Variants in CAPS2 observed in about 807,000 individuals in gnomAD.
CAPS2 encodes calcyphosine 2.
In CAPS2, 98 loss-of-function variants were observed where a neutral mutation model predicts 86.5. The observed-to-expected ratio is 1.13, with a 90% CI of 0.96 to 1.34. CAPS2 has a LOEUF of 1.34. CAPS2 is among the 40% of genes most tolerant of loss of function. The probability of loss-of-function intolerance (pLI) is 0.00; values close to 1 mark genes in which losing one functional copy is unlikely to be tolerated. For missense variants in CAPS2, 729 were observed against 686.8 expected, an observed-to-expected ratio of 1.06 and a Z score of -0.69; for synonymous variants, 210 against 225.1, an observed-to-expected ratio of 0.93 and a Z score of 0.60.
At chr12:75,343,648 C>G (rs756568424) in intron 1 of CAPS2, 7 of 1,380,674 alleles carry the variant, frequency 5.1e-6, no homozygotes, top group Non-Finnish European at 6.9e-6. Flanking sequence ...TAATTTAATG[C>G]AAATACTTAT....
At chr12:75,325,693 A>T (rs1593553517) in intron 1 of CAPS2, among the ~76,000 whole-genome samples, 1 of 151,838 alleles carries the variant, frequency 6.6e-6, no homozygotes, top group African/African-American at 2.4e-5. Flanking sequence ...GATGAGGAGG[A>T]GTTAGCTAGA....
chr12:75,335,786 A>G (rs2041692732), intron 1 of CAPS2, among the ~76,000 whole-genome samples: 1 of 152,076 alleles, frequency 6.6e-6, no homozygotes, highest in African/African-American at 2.4e-5. Flanking sequence ...TTGTTAAGAT[A>G]TTTTAATATA....
intron 1 of CAPS2, among the ~76,000 whole-genome samples, chr12:75,341,412 A>G (rs2042096896): frequency 6.6e-6 from 1 of 152,196 alleles, no homozygotes; most frequent in Non-Finnish European, 1.5e-5. Context: ...ATGGATACAT[A>G]GAGTAGGATT....
chr12:75,360,824 G>T (rs2043531395), intron 1 of CAPS2: 2 of 152,148 alleles, frequency 1.3e-5, no homozygotes, highest in Admixed American at 6.6e-5. Flanking sequence ...TGAGGGCTCT[G>T]CCCCTGTAGC....
intron 1 of CAPS2, among the ~76,000 whole-genome samples, chr12:75,340,439 C>A (rs1228099184): frequency 3.3e-5 from 5 of 151,288 alleles, no homozygotes; most frequent in Non-Finnish European, 5.9e-5. Flanking sequence ...AAAATTAACC[C>A]AAAATGAATC....
At chr12:75,305,497 T>G (rs2038348708) in intron 7 of CAPS2, 1 of 596,084 alleles carries the variant, frequency 1.7e-6, no homozygotes, top group African/African-American at 1.8e-5. Flanking sequence ...AGCCGAGGCC[T>G]CCAGCTCCGA....
rs1593458019 is a variant in CAPS2 at position 75,312,769 on chromosome 12, G to T, written c.659+79C>A. 2.2e-4 allele frequency: 187 copies of T among 850,472 alleles called. No individual in the cohort carries two copies. The East Asian group carries it at 4.5e-3, about 21-fold the overall frequency. The allele number at this position is 850,472 out of a possible 1,614,324, so 52.7% of individuals were successfully genotyped here. A position where few individuals can be genotyped will look rare whatever the true frequency, so the allele number is the denominator to read the frequency against. On this transcript the variant is annotated intron_variant, in intron 7 of 16. Coordinates refer to ENST00000393284, the Ensembl canonical transcript of CAPS2. The stretch of plus-strand genomic sequence containing the variant: ...AGTTAGCCACCCTTTAATTGACCAA[G>T]GATATGAATGTCATGCATGAAAATA...
rs890278296 is a variant in CAPS2, at chr12:75,287,077, CACAA to C, written c.1396-2001_1396-1998del. 1.1e-4 allele frequency among the ~76,000 whole-genome samples: 16 copies of C among 150,870 alleles called. 1 individual carries two copies. The East Asian group carries it at 1.6e-3, about 15-fold the overall frequency. On this transcript the variant is annotated intron_variant, in intron 14 of 16. Coordinates refer to ENST00000393284, the Ensembl canonical transcript of CAPS2. ...ACACATACACACGCAAGCACACACA[CACAA>C]ACACACACATATATATACATATATA...
upstream of CAPS2, chr12:75,334,943 A>C: frequency 3.2e-6 from 5 of 1,547,552 alleles, no homozygotes; most frequent in Non-Finnish European, 4.4e-6. Flanking sequence ...TCCCTGACTC[A>C]TCCTGAGGTA....
At chr12:75,297,694 G>A (rs1447346718) in intron 11 of CAPS2, among the ~76,000 whole-genome samples, 4 of 152,026 alleles carry the variant, frequency 2.6e-5, no homozygotes, top group Admixed American at 2.6e-4. Context: ...CTTTTAATAA[G>A]CTCTGACTCA....
At chr12:75,297,048 C>CTCTT (rs201779543) in intron 11 of CAPS2, among the ~76,000 whole-genome samples, 4 of 152,124 alleles carry the variant, frequency 2.6e-5, no homozygotes, top group Middle Eastern at 3.2e-3. Context: ...TTTCCTTTCT[C>CTCTT]TCTTTCTTTC....
At chr12:75,287,640 G>A (rs2035131484) in intron 14 of CAPS2, among the ~76,000 whole-genome samples, 2 of 152,152 alleles carry the variant, frequency 1.3e-5, no homozygotes, top group African/African-American at 4.8e-5. Flanking sequence ...CTGGAGGGTG[G>A]CACCCAGGGA....
intron 7 of CAPS2, among the ~76,000 whole-genome samples, chr12:75,305,099 G>A (rs909477324): frequency 3.9e-5 from 6 of 152,054 alleles, no homozygotes; most frequent in East Asian, 1.9e-4. Context: ...CTGAAATTTC[G>A]GAGGGAGCTA....
chr12:75,305,479 A>G lies in CAPS2; in HGVS notation c.660-603T>C, dbSNP rs1593397298. 5 of 578,012 alleles carry G rather than the reference A, an allele frequency of 8.7e-6. No homozygotes were observed. In the East Asian group the frequency reaches 1.8e-4, roughly 21 times the overall value. The allele number at this position is 578,012 out of a possible 1,614,324, so 35.8% of individuals were successfully genotyped here. ...ACAAAGTAAGGATCTGAGCGACCCC[A>G]ACTTTGCAGCCGAGGCCTCCAGCTC... On this transcript the variant is annotated intron_variant, in intron 7 of 16. Transcript: ENST00000393284.
chr12:75,305,607 C>T (rs11610112), intron 7 of CAPS2: 210,975 of 610,398 alleles, frequency 0.35, 38,554 homozygotes, highest in East Asian at 0.45. Context: ...CCCCAGGCCC[C>T]GAGCGACCGG....
chr12:75,277,144 G>A (rs1310394244), downstream of CAPS2: 1 of 981,520 alleles, frequency 1.0e-6, no homozygotes, highest in African/African-American at 1.8e-5. Flanking sequence ...CTTATGTTAG[G>A]AAGATTAAGA....
At chr12:75,291,818 G>A in exon 13 of CAPS2, 1 of 1,526,802 alleles carries the variant, frequency 6.5e-7, no homozygotes, top group Non-Finnish European at 8.9e-7. Context: ...CATAGAAGCA[G>A]TTCTGCAATT....
chr12:75,343,614 C>A, intron 1 of CAPS2: 11 of 1,099,172 alleles, frequency 1.0e-5, no homozygotes, highest in African/African-American at 3.2e-5. Context: ...TTAAGCAAAA[C>A]TTAGTTGATT....
intron 8 of CAPS2, among the ~76,000 whole-genome samples, chr12:75,300,513 G>A (rs1198765923): frequency 1.5e-5 from 2 of 129,376 alleles, no homozygotes; most frequent in Non-Finnish European, 3.1e-5. Context: ...CCGAGATCGC[G>A]CCACTGCACT....
Sources: allele counts gnomAD v4.1 joint callset (sites outside exome capture counted in the v4.1 genomes callset), GRCh38; gene constraint gnomAD v4.1.1; transcripts MANE v1.5; gene names NCBI Gene and HGNC (gene_info 2026-07-23, HGNC 2026-07-21).